Variants in RAB28 observed in about 807,000 individuals in gnomAD.
RAB28 encodes RAB28, member RAS oncogene family, also known as ras-related protein Rab-28.
A neutral mutation model predicts 31.7 loss-of-function variants in RAB28; 24 were observed. The ratio of observed to expected loss-of-function variants is 0.76; its 90% CI spans 0.55 to 1.06. The LOEUF is 1.06. RAB28 is among the 50% of genes least tolerant of loss of function. The pLI is 0.00. For synonymous variants in RAB28, 100 were observed against 90.4 expected, an observed-to-expected ratio of 1.11 and a Z score of -0.60; for missense variants, 254 against 258.5, an observed-to-expected ratio of 0.98 and a Z score of 0.12.
intron 4 of RAB28, among the ~76,000 whole-genome samples, chr4:13,412,884 T>C (rs946856846): frequency 2.6e-5 from 4 of 151,744 alleles, no homozygotes; most frequent in Admixed American, 2.0e-4. Context: ...CCTGAGCAAA[T>C]AGCTTAAAAA....
At chr4:13,406,572 G>A (rs886190147) in intron 4 of RAB28, among the ~76,000 whole-genome samples, 11 of 152,100 alleles carry the variant, frequency 7.2e-5, no homozygotes, top group Admixed American at 1.3e-4. Context: ...TTGAGGAATC[G>A]CCACACTGTC....
At chr4:13,441,447 C>G (rs1714410753) in intron 4 of RAB28, among the ~76,000 whole-genome samples, 1 of 152,210 alleles carries the variant, frequency 6.6e-6, no homozygotes, top group Non-Finnish European at 1.5e-5. Flanking sequence ...CAATTAATCT[C>G]TACCATTCCT....
At chr4:13,471,249 A>C (rs1307745745) in intron 3 of RAB28, among the ~76,000 whole-genome samples, 1 of 152,094 alleles carries the variant, frequency 6.6e-6, no homozygotes, top group East Asian at 1.9e-4. Context: ...TACTTTGAAG[A>C]ATAATTATAT....
intron 3 of RAB28, among the ~76,000 whole-genome samples, chr4:13,466,976 T>C (rs1045202346): frequency 3.3e-5 from 5 of 151,464 alleles, no homozygotes; most frequent in African/African-American, 1.2e-4. Flanking sequence ...TCTGAAGTAA[T>C]CAAACTCACA....
Position 13,484,212 on chromosome 4 carries a change from G to A in RAB28, c.-62C>T. On this transcript the variant is annotated 5_prime_UTR_variant, in exon 1 of 7. Coordinates refer to ENST00000330852, the MANE Select transcript of RAB28 (RefSeq NM_001017979.3). ...GGGGGAAGGGAAGGATGAAGGCTCC[G>A]GGGGCGGGGGAGAGGAGGAAGGGAG... 1 of 1,357,482 alleles carries A rather than the reference G, an allele frequency of 7.4e-7. No homozygotes were observed. The allele number at this position is 1,357,482 out of a possible 1,614,324, so 84.1% of individuals were successfully genotyped here. A position where few individuals can be genotyped will look rare whatever the true frequency, so the allele number is the denominator to read the frequency against.
chr4:13,461,884 C>T (rs1482117638), intron 3 of RAB28, among the ~76,000 whole-genome samples: 1 of 152,134 alleles, frequency 6.6e-6, no homozygotes, highest in African/African-American at 2.4e-5. Context: ...GTCAAGGTCT[C>T]CTCATTAATC....
At chr4:13,429,703 C>T (rs566671090) in intron 4 of RAB28, among the ~76,000 whole-genome samples, 1 of 152,082 alleles carries the variant, frequency 6.6e-6, no homozygotes, top group South Asian at 2.1e-4. Flanking sequence ...GGCAATATTC[C>T]CCAACTGATC....
chr4:13,399,729 A>G (rs1456315322), intron 4 of RAB28, among the ~76,000 whole-genome samples: 1 of 152,062 alleles, frequency 6.6e-6, no homozygotes, highest in Non-Finnish European at 1.5e-5. Flanking sequence ...ATTTCTATTT[A>G]TGTTTTATGT....
intron 2 of RAB28, among the ~76,000 whole-genome samples, chr4:13,474,679 T>G (rs887425466): frequency 6.6e-5 from 10 of 151,790 alleles, no homozygotes; most frequent in South Asian, 2.1e-4. Flanking sequence ...AGCTTTAATT[T>G]GTAAACTTAA....
intron 1 of RAB28, among the ~76,000 whole-genome samples, chr4:13,483,698 C>A (rs746000655): frequency 3.9e-5 from 6 of 152,078 alleles, no homozygotes; most frequent in Non-Finnish European, 7.4e-5. Flanking sequence ...GCAGTAGAAG[C>A]ATCAGAAACG....
chr4:13,435,017 CA>C (rs991889676), intron 4 of RAB28, among the ~76,000 whole-genome samples: 651 of 47,026 alleles, frequency 0.014, 1 homozygote, highest in Middle Eastern at 0.037. Flanking sequence ...GACTCCGTCT[CA>C]AAAAAAAAAA....
chr4:13,429,055 C>T (rs1371010255), intron 4 of RAB28, among the ~76,000 whole-genome samples: 1 of 151,840 alleles, frequency 6.6e-6, no homozygotes, highest in African/African-American at 2.4e-5. Context: ...AGTGATTCTC[C>T]TGCCTCAGCC....
chr4:13,463,386 A>G (rs1715693127), intron 3 of RAB28, among the ~76,000 whole-genome samples: 1 of 152,216 alleles, frequency 6.6e-6, no homozygotes, highest in African/African-American at 2.4e-5. Context: ...TTGGTAAACT[A>G]TGGCCCATGG....
At chr4:13,372,173 G>A (rs1053161968) in intron 6 of RAB28, among the ~76,000 whole-genome samples, 2 of 152,008 alleles carry the variant, frequency 1.3e-5, no homozygotes, top group African/African-American at 2.4e-5. Context: ...CATAATCTCT[G>A]TTTTTTTGAG....
intron 6 of RAB28, among the ~76,000 whole-genome samples, chr4:13,375,848 C>A (rs1728902198): frequency 6.6e-6 from 1 of 151,374 alleles, no homozygotes; most frequent in East Asian, 1.9e-4. Context: ...TAAAAGAATT[C>A]AAGAAAAATT....
chr4:13,381,793 T>C (rs1729142260), intron 4 of RAB28, among the ~76,000 whole-genome samples, 199 bp from the exon 5 acceptor site: 1 of 152,108 alleles, frequency 6.6e-6, no homozygotes, highest in Non-Finnish European at 1.5e-5. Flanking sequence ...ACCTATTTTG[T>C]AGAGAGTTAT....
intron 5 of RAB28, 51 bp downstream of exon 5, chr4:13,381,439 TG>T: frequency 7.8e-7 from 1 of 1,288,324 alleles, no homozygotes; most frequent in Non-Finnish European, 1.1e-6. Context: ...TTCCTAGGAA[TG>T]TTAGTAAATA....
At chr4:13,425,451 A>AAG (rs2108925922) in intron 4 of RAB28, among the ~76,000 whole-genome samples, 1 of 152,260 alleles carries the variant, frequency 6.6e-6, no homozygotes, top group East Asian at 1.9e-4. Context: ...ACAATAATTT[A>AAG]ACACAATATT....
intron 4 of RAB28, among the ~76,000 whole-genome samples, chr4:13,438,012 C>A (rs921084720): frequency 7.9e-5 from 12 of 152,032 alleles, no homozygotes; most frequent in Admixed American, 2.6e-4. Flanking sequence ...TACTACACAG[C>A]CATAAAAAAG....
Sources: allele counts gnomAD v4.1 joint callset (sites outside exome capture counted in the v4.1 genomes callset), GRCh38; gene constraint gnomAD v4.1.1; transcripts MANE v1.5; gene names NCBI Gene and HGNC (gene_info 2026-07-23, HGNC 2026-07-21).